Variants in APBB2 observed in about 807,000 individuals in gnomAD.
The protein encoded by APBB2 is amyloid beta precursor protein binding family B member 2.
APBB2 carries 38 observed loss-of-function variants against 82.5 expected under a neutral mutation model. That is an observed-to-expected ratio of 0.46 (90% CI 0.36 to 0.60). APBB2 has a LOEUF of 0.60. APBB2 is among the 20% of genes least tolerant of loss of function. The pLI is 0.00. For synonymous variants in APBB2, 341 were observed against 368.2 expected (o/e 0.93, Z 0.85); for missense variants, 772 against 972.3 (o/e 0.79, Z 2.74).
In APBB2 at chr4:41,086,246, AAAG is replaced by A. The variant is rs1232536589; in HGVS notation, c.-149+14390_-149+14392del. ...CACAGCCGAATTCTATCAAATGTTT[AAAG>A]AAGAATTAACATCAATCCTCAACTC... On this transcript the variant is annotated intron_variant, in intron 3 of 17. Coordinates refer to ENST00000508593, the MANE Select transcript of APBB2 (RefSeq NM_004307.2). Among the ~76,000 whole-genome samples the A allele has an allele frequency of 7.9e-5, 12 of 152,320 alleles. No homozygotes were observed. The East Asian group carries it at 1.5e-3, about 20-fold the overall frequency.
At position 41,207,756 on chromosome 4, in the gene APBB2, C is replaced by T. The variant is rs568706553; in HGVS notation, c.-417+6649G>A. ...CCCATCAGCTGACCCACAAACTCCA[C>T]ATGTTGGCCTGGCCTCCATGACTCA... On this transcript the variant is annotated intron_variant, in intron 1 of 17. Transcript: ENST00000508593. 2.6e-5 allele frequency: 4 copies of T among 152,386 alleles called. No homozygotes were observed. In the East Asian group the frequency reaches 5.8e-4, roughly 22 times the overall value. The allele number at this position is 152,386 out of a possible 1,614,324, so 9.4% of individuals were successfully genotyped here. A position where few individuals can be genotyped will look rare whatever the true frequency, so the allele number is the denominator to read the frequency against.
At chr4:41,087,292 G>A (rs911834165) in intron 3 of APBB2, among the ~76,000 whole-genome samples, 2 of 152,100 alleles carry the variant, frequency 1.3e-5, no homozygotes, top group East Asian at 1.9e-4. Flanking sequence ...CTGTAGAAAC[G>A]GAAAAATCAG....
chr4:41,032,855 A>G (rs1302280366), intron 5 of APBB2, among the ~76,000 whole-genome samples: 2 of 121,988 alleles, frequency 1.6e-5, no homozygotes, highest in African/African-American at 3.1e-5. Flanking sequence ...CGCGATCTCG[A>G]CTCACTGCAA....
At chr4:40,947,540 C>T (rs527459809) in intron 6 of APBB2, among the ~76,000 whole-genome samples, 16 of 152,318 alleles carry the variant, frequency 1.1e-4, no homozygotes, top group Middle Eastern at 3.4e-3. Flanking sequence ...CTGAATGGCA[C>T]GAATCAGACT....
chr4:41,172,227 G>A (rs1169757961), intron 1 of APBB2, among the ~76,000 whole-genome samples: 2 of 119,278 alleles, frequency 1.7e-5, no homozygotes, highest in African/African-American at 3.2e-5. Context: ...AGCACCCCCC[G>A]CCCCAGGCAC....
intron 2 of APBB2, among the ~76,000 whole-genome samples, chr4:41,140,934 CA>C (rs2154020069): frequency 6.6e-6 from 1 of 152,200 alleles, no homozygotes; most frequent in East Asian, 1.9e-4. Context: ...CAATGAGTTG[CA>C]AAATTATTTC....
chr4:41,052,354 C>G (rs1726304158), intron 4 of APBB2, among the ~76,000 whole-genome samples: 1 of 152,146 alleles, frequency 6.6e-6, no homozygotes, highest in Non-Finnish European at 1.5e-5. Context: ...ATAAGCCGTT[C>G]TTCTCCTACC....
intron 11 of APBB2, chr4:40,890,983 G>A (rs1446875712): frequency 6.5e-6 from 1 of 152,924 alleles, no homozygotes; most frequent in Non-Finnish European, 1.5e-5. Context: ...CAGACAGCAG[G>A]CACAGCTTTG....
chr4:40,955,001 G>A (rs1791220976), intron 6 of APBB2, among the ~76,000 whole-genome samples: 1 of 152,016 alleles, frequency 6.6e-6, no homozygotes, highest in Non-Finnish European at 1.5e-5. Flanking sequence ...CTCCACAGAA[G>A]AAGAAATGTG....
At chr4:41,191,715 TG>T (rs1774494936) in intron 1 of APBB2, among the ~76,000 whole-genome samples, 1 of 152,190 alleles carries the variant, frequency 6.6e-6, no homozygotes, top group Admixed American at 6.5e-5. Flanking sequence ...GCCTTGGCAA[TG>T]ATTTTTTGGA....
At chr4:41,084,969 G>A (rs183685051) in intron 3 of APBB2, among the ~76,000 whole-genome samples, 5 of 151,972 alleles carry the variant, frequency 3.3e-5, no homozygotes, top group East Asian at 1.9e-4. Flanking sequence ...TGAGACTGCC[G>A]GCCACGCACA....
chr4:41,175,098 T>A (rs1769390551), intron 1 of APBB2, among the ~76,000 whole-genome samples: 1 of 152,198 alleles, frequency 6.6e-6, no homozygotes, highest in Non-Finnish European at 1.5e-5. Context: ...AAGACAAGCT[T>A]GTCACCAACC....
intron 1 of APBB2, among the ~76,000 whole-genome samples, chr4:41,195,271 C>A: frequency 0.12 from 17,590 of 152,106 alleles, 1,266 homozygotes; most frequent in South Asian, 0.19. Context: ...GGCTGAAATC[C>A]CCACCAAAAC....
At chr4:40,888,062 C>T (rs1770848071) in intron 12 of APBB2, among the ~76,000 whole-genome samples, 1 of 152,202 alleles carries the variant, frequency 6.6e-6, no homozygotes, top group African/African-American at 2.4e-5. Context: ...TCCTCTCCGA[C>T]CTCCACTGTC....
chr4:40,863,909 A>AAAAAAAAAAAAAAC (rs1763405356), intron 12 of APBB2, among the ~76,000 whole-genome samples: 1 of 149,800 alleles, frequency 6.7e-6, no homozygotes, highest in Non-Finnish European at 1.5e-5. Flanking sequence ...AAAAAAAAAA[A>AAAAAAAAAAAAAAC]AAAAAAAGCA....
At chr4:40,974,492 G>A (rs749909992) in intron 6 of APBB2, among the ~76,000 whole-genome samples, 2 of 152,146 alleles carry the variant, frequency 1.3e-5, no homozygotes, top group Non-Finnish European at 2.9e-5. Flanking sequence ...GGCATATACA[G>A]CTACTTTTTT....
chr4:41,145,327 C>T (rs983377592), intron 1 of APBB2, among the ~76,000 whole-genome samples: 2 of 152,084 alleles, frequency 1.3e-5, no homozygotes, highest in African/African-American at 4.8e-5. Flanking sequence ...AAATGTCTTT[C>T]CCTCAGCCAC....
intron 2 of APBB2, among the ~76,000 whole-genome samples, chr4:41,105,282 T>C (rs1311496529): frequency 9.9e-5 from 15 of 152,238 alleles, no homozygotes; most frequent in Admixed American, 9.8e-4. Context: ...CAAACCCTTA[T>C]GTTTCAAATG....
intron 6 of APBB2, among the ~76,000 whole-genome samples, chr4:40,951,486 G>A (rs573543744): frequency 3.3e-5 from 5 of 152,352 alleles, no homozygotes; most frequent in East Asian, 3.9e-4. Flanking sequence ...GAGAGTCTGC[G>A]AAGACGCGAT....
Sources: gnomAD v4.1 joint callset for allele counts (sites outside exome capture counted in the v4.1 genomes callset) on GRCh38, gnomAD v4.1.1 for gene constraint, MANE v1.5 for transcripts, NCBI Gene and HGNC (gene_info 2026-07-23, HGNC 2026-07-21) for gene names.